The following PRR16 variants were observed in gnomAD, a reference collection of about 807,000 sequenced individuals.
The protein encoded by PRR16 is protein Largen.
PRR16 carries 6 observed loss-of-function variants against 18.2 expected under a neutral mutation model. That is an observed-to-expected ratio of 0.33 (90% CI 0.18 to 0.65). PRR16 has a LOEUF of 0.65. Among genes scored for constraint, PRR16 ranks in the 30% least tolerant of loss-of-function variants. The pLI is 0.74. For missense variants in PRR16, 412 were observed against 376.6 expected (o/e 1.09, Z -0.78); for synonymous variants, 151 against 147.8 (o/e 1.02, Z -0.16).
intron 1 of PRR16, among the ~76,000 whole-genome samples, chr5:120,471,814 A>C (rs1304896536): frequency 6.6e-6 from 1 of 152,160 alleles, no homozygotes; most frequent in Admixed American, 6.5e-5. Context: ...AAGAACCAGA[A>C]AGTAGCATTA....
At chr5:120,752,603 T>G in the PRR16 span, among the ~76,000 whole-genome samples, 4 of 152,056 alleles carry the variant, frequency 2.6e-5, no homozygotes, top group Non-Finnish European at 5.9e-5. Context: ...GATACCATTA[T>G]GTGAGACCAA....
At chr5:120,571,082 A>C (rs948728813) in intron 1 of PRR16, among the ~76,000 whole-genome samples, 10 of 152,110 alleles carry the variant, frequency 6.6e-5, no homozygotes, top group African/African-American at 2.4e-4. Context: ...TGAGCAGAGG[A>C]TGGAGGGAAG....
intron 1 of PRR16, among the ~76,000 whole-genome samples, chr5:120,664,662 G>A (rs1756302246): frequency 6.6e-6 from 1 of 151,906 alleles, no homozygotes; most frequent in Non-Finnish European, 1.5e-5. Flanking sequence ...CTGTGTCCAT[G>A]TGTTCTCATT....
chr5:120,606,241 G>A (rs1186028813), intron 1 of PRR16, among the ~76,000 whole-genome samples: 3 of 152,144 alleles, frequency 2.0e-5, no homozygotes. Context: ...AGTACCTACA[G>A]GTAACAGGGC....
At chr5:120,550,738 T>G (rs1752227983) in intron 1 of PRR16, among the ~76,000 whole-genome samples, 1 of 152,010 alleles carries the variant, frequency 6.6e-6, no homozygotes, top group Non-Finnish European at 1.5e-5. Context: ...TATTTTGTGT[T>G]TTTCTTAACC....
At chr5:120,479,145 G>C (rs1382496315) in intron 1 of PRR16, among the ~76,000 whole-genome samples, 1 of 152,142 alleles carries the variant, frequency 6.6e-6, no homozygotes, top group Non-Finnish European at 1.5e-5. Flanking sequence ...CGTTAAGGTA[G>C]AAATGGGGCT....
chr5:120,722,726 C>T, the PRR16 span, among the ~76,000 whole-genome samples: 1 of 151,964 alleles, frequency 6.6e-6, no homozygotes, highest in Admixed American at 6.6e-5. Flanking sequence ...CAGACTGTTT[C>T]ATTACCATAG....
chr5:120,780,918 C>G, the PRR16 span, among the ~76,000 whole-genome samples: 1 of 152,078 alleles, frequency 6.6e-6, no homozygotes, highest in Admixed American at 6.5e-5. Flanking sequence ...GGCGTGGTGG[C>G]AGGCACCTGT....
the PRR16 span, among the ~76,000 whole-genome samples, chr5:120,732,779 C>A: frequency 1.3e-5 from 2 of 151,970 alleles, no homozygotes; most frequent in African/African-American, 4.8e-5. Flanking sequence ...GCAATCTAGA[C>A]CAGTACAGTG....
intron 1 of PRR16, among the ~76,000 whole-genome samples, chr5:120,642,278 A>G (rs758827524): frequency 2.6e-5 from 4 of 151,558 alleles, no homozygotes; most frequent in Non-Finnish European, 5.9e-5. Flanking sequence ...TTTTCCCCTA[A>G]CAGTGGTTTT....
chr5:120,712,545 A>G, the PRR16 span, among the ~76,000 whole-genome samples: 3 of 152,314 alleles, frequency 2.0e-5, no homozygotes, highest in East Asian at 5.8e-4. Flanking sequence ...AATATATGTG[A>G]ACTATATACC....
At chr5:120,621,642 T>G (rs1217240752) in intron 1 of PRR16, among the ~76,000 whole-genome samples, 1 of 152,068 alleles carries the variant, frequency 6.6e-6, no homozygotes, top group South Asian at 2.1e-4. Context: ...GTTTCCCCAG[T>G]GCTGTTCTCA....
In PRR16 at chr5:120,577,802, T is replaced by A. The variant is rs555070113; in HGVS notation, c.160-108152T>A. On this transcript the variant is annotated intron_variant, in intron 1 of 1. Transcript: ENST00000407149. ...AGTACTAAAAGCTTTCTTTCGATTA[T>A]TCATTTAATTTTCCCAGCAACTGGG... Among the ~76,000 whole-genome samples the A allele has an allele frequency of 2.4e-4, 36 of 152,310 alleles. 1 individual carries two copies. The South Asian group carries it at 7.3e-3, about 31-fold the overall frequency.
chr5:120,780,821 C>T, the PRR16 span, among the ~76,000 whole-genome samples: 8 of 152,190 alleles, frequency 5.3e-5, no homozygotes, highest in African/African-American at 1.7e-4. Flanking sequence ...GAGGCCGAGG[C>T]GGGGGGAATC....
At chr5:120,586,353 AAT>A (rs1753443135) in intron 1 of PRR16, among the ~76,000 whole-genome samples, 1 of 152,158 alleles carries the variant, frequency 6.6e-6, no homozygotes, top group Non-Finnish European at 1.5e-5. Flanking sequence ...CAACTGTAAT[AAT>A]AAATTATCTT....
At chr5:120,754,275 AAT>A in the PRR16 span, among the ~76,000 whole-genome samples, 3 of 38,642 alleles carry the variant, frequency 7.8e-5, no homozygotes, top group Non-Finnish European at 9.4e-5. Context: ...AATATAAAAT[AAT>A]ATATAAATAT....
At chr5:120,763,302 C>T in the PRR16 span, among the ~76,000 whole-genome samples, 30 of 152,130 alleles carry the variant, frequency 2.0e-4, no homozygotes, top group Non-Finnish European at 3.7e-4. Context: ...TAATCCACCA[C>T]GTCTGGCTCT....
intron 1 of PRR16, among the ~76,000 whole-genome samples, chr5:120,538,720 G>C (rs974823480): frequency 6.6e-6 from 1 of 152,140 alleles, no homozygotes; most frequent in South Asian, 2.1e-4. Context: ...AAAAAAGAAG[G>C]TTGTCCTTGC....
chr5:120,708,312 A>C, the PRR16 span, among the ~76,000 whole-genome samples: 29 of 152,320 alleles, frequency 1.9e-4, 1 homozygote, highest in Admixed American at 1.4e-3. Flanking sequence ...GTGGTAATGA[A>C]TTTATCAAAA....
Sources: allele counts gnomAD v4.1 joint callset (sites outside exome capture counted in the v4.1 genomes callset), GRCh38; gene constraint gnomAD v4.1.1; transcripts MANE v1.5; gene names NCBI Gene and HGNC (gene_info 2026-07-23, HGNC 2026-07-21).